Variants in MEG3 observed in about 807,000 individuals in gnomAD.
MEG3 encodes the protein maternally expressed 3.
chr14:100,846,743 TAAATAGAAAAA>T (rs1025279854), intron 3 of MEG3: 1 of 152,012 alleles, frequency 6.6e-6, no homozygotes, highest in Non-Finnish European at 1.5e-5. Flanking sequence ...AATCAATATA[TAAATAGAAAAA>T]AACCAGTGAA....
chr14:100,839,136 T>C (rs2037675980), intron 2 of MEG3, among the ~76,000 whole-genome samples: 1 of 152,314 alleles, frequency 6.6e-6, no homozygotes, highest in African/African-American at 2.4e-5. Flanking sequence ...CTAATGAATT[T>C]TTCCTTGCAA....
chr14:100,844,708 T>C (rs1350380265), intron 2 of MEG3, among the ~76,000 whole-genome samples: 1 of 152,232 alleles, frequency 6.6e-6, no homozygotes. Flanking sequence ...AAATGTGTCA[T>C]GATACGTGTC....
chr14:100,833,056 T>C (rs1566720925), downstream of MEG3: 1 of 152,178 alleles, frequency 6.6e-6, no homozygotes, highest in Non-Finnish European at 1.5e-5. Context: ...GTGACTACAA[T>C]GTGAATACTC....
intron 2 of MEG3, among the ~76,000 whole-genome samples, chr14:100,840,546 C>T (rs957902778): frequency 2.6e-5 from 4 of 152,134 alleles, no homozygotes; most frequent in Non-Finnish European, 5.9e-5. Flanking sequence ...TCCCCTGAAA[C>T]GGAGTGTGTG....
At chr14:100,826,859 A>C (rs1470437034) in intron 1 of MEG3, among the ~76,000 whole-genome samples, 1 of 152,024 alleles carries the variant, frequency 6.6e-6, no homozygotes, top group Non-Finnish European at 1.5e-5. Context: ...CTGATCAGCC[A>C]CTTTCACAGT....
intron 1 of MEG3, chr14:100,860,667 C>T (rs1400480894): frequency 1.1e-5 from 5 of 456,578 alleles, no homozygotes; most frequent in Non-Finnish European, 2.2e-5. Context: ...AGGTGGCCTT[C>T]ATCTGCAACT....
chr14:100,859,131 G>A (rs2140013819), exon 1 of MEG3: 1 of 152,386 alleles, frequency 6.6e-6, no homozygotes, highest in African/African-American at 2.4e-5. Flanking sequence ...GCACATAATA[G>A]ATGCTCGCCA....
chr14:100,836,193 C>T (rs779273858), exon 2 of MEG3: 10 of 456,048 alleles, frequency 2.2e-5, no homozygotes, highest in Middle Eastern at 3.2e-4. Flanking sequence ...CCGGCTGGGT[C>T]GGCTGAAGAA....
intron 3 of MEG3, chr14:100,852,226 G>T: frequency 2.3e-6 from 1 of 433,556 alleles, no homozygotes; most frequent in South Asian, 1.7e-5. Context: ...GGTCTGAGCT[G>T]ATGGCAGCAA....
At chr14:100,859,340 C>A (rs1360195982) in exon 1 of MEG3, 2 of 152,142 alleles carry the variant, frequency 1.3e-5, no homozygotes, top group African/African-American at 4.8e-5. Context: ...TGGTGGGTTT[C>A]CCCCCAGTGG....
chr14:100,838,470 C>T (rs917241140), intron 2 of MEG3, among the ~76,000 whole-genome samples: 5 of 152,186 alleles, frequency 3.3e-5, no homozygotes, highest in Non-Finnish European at 5.9e-5. Context: ...GTGATCTTCT[C>T]GGGAACTGCC....
chr14:100,847,228 C>A, intron 3 of MEG3: 1 of 151,456 alleles, frequency 6.6e-6, no homozygotes, highest in East Asian at 1.9e-4. Context: ...GTACTTTTAC[C>A]AAAAGTTATC....
At chr14:100,832,593 G>C (rs1019685489), downstream of MEG3, 7 of 152,638 alleles carry the variant, frequency 4.6e-5, no homozygotes, top group African/African-American at 1.7e-4. Context: ...CGTCGCATAA[G>C]GATCCTTCTT....
intron 3 of MEG3, chr14:100,848,235 C>T (rs1401660317): frequency 6.6e-6 from 1 of 152,144 alleles, no homozygotes; most frequent in Non-Finnish European, 1.5e-5. Flanking sequence ...CCAAGCAGAC[C>T]GCTTAATTGG....
chr14:100,828,326 CT>C (rs1336568409), intron 1 of MEG3, among the ~76,000 whole-genome samples: 1 of 151,964 alleles, frequency 6.6e-6, no homozygotes, highest in Non-Finnish European at 1.5e-5. Flanking sequence ...TCAAATCATC[CT>C]TACCCCCTCC....
exon 1 of MEG3, chr14:100,857,568 G>C (rs993334378): frequency 2.0e-5 from 3 of 152,272 alleles, no homozygotes; most frequent in African/African-American, 7.2e-5. Context: ...CACTGGCAGA[G>C]CAGCCTGCAG....
chr14:100,854,842 C>T (rs2140004194), upstream of MEG3: 1 of 152,874 alleles, frequency 6.5e-6, no homozygotes, highest in African/African-American at 2.4e-5. Flanking sequence ...CTGGCCTGCA[C>T]ATGTGGCCTC....
chr14:100,836,171 GT>G (rs1419255581), exon 2 of MEG3: 3 of 454,530 alleles, frequency 6.6e-6, no homozygotes. Flanking sequence ...CCCAAGGCAC[GT>G]GGGCCGTGGC....
intron 2 of MEG3, chr14:100,828,924 A>C (rs927531682): frequency 6.6e-6 from 1 of 152,112 alleles, no homozygotes; most frequent in Non-Finnish European, 1.5e-5. Context: ...ATTAAAAGAC[A>C]ATTTTAAATT....
Sources: gnomAD v4.1 joint callset for allele counts (sites outside exome capture counted in the v4.1 genomes callset) on GRCh38, gnomAD v4.1.1 for gene constraint, MANE v1.5 for transcripts, NCBI Gene and HGNC (gene_info 2026-07-23, HGNC 2026-07-21) for gene names.